The following ACAN variants were observed in gnomAD, a reference collection of about 807,000 sequenced individuals.
The protein encoded by ACAN is aggrecan core protein.
Under a neutral mutation model 169.1 loss-of-function variants are expected in ACAN, and 47 were observed. The observed-to-expected ratio is 0.28, with a 90% CI of 0.22 to 0.35. ACAN has a LOEUF of 0.35. Ranked by LOEUF, ACAN falls within the 10% of genes least tolerant of loss-of-function variation. The pLI is 1.00. For synonymous variants in ACAN, 1,115 were observed against 1,112.2 expected (o/e 1.00, Z -0.05); for missense variants, 2,716 against 2,759.9 (o/e 0.98, Z 0.36).
Position 88,847,469 on chromosome 15 carries a change from A to G in ACAN, c.1604+52A>G. The G allele has an allele frequency of 3.4e-6, 5 of 1,481,732 alleles. No homozygotes were observed. The Admixed American group carries it at 1.1e-4, about 33-fold the overall frequency. 91.8% of individuals were successfully genotyped at this position (1,481,732 alleles called of 1,614,324 possible). On this transcript the variant is annotated intron_variant, in intron 8 of 18. Transcript: ENST00000560601. ...AAACCCAATTGAAGAGGTCAGGCTTAAGGAGCCACAGCCTGACACCGCCCC... is the reference window on the plus strand; with the variant it reads ...AAACCCAATTGAAGAGGTCAGGCTTGAGGAGCCACAGCCTGACACCGCCCC...
rs766827687 is a variant in ACAN at position 88,854,987 on chromosome 15, C to G, written c.2402C>G (p.Pro801Arg). The G allele has an allele frequency of 1.9e-6, 3 of 1,597,974 alleles. No homozygotes were observed. Among genetic ancestry groups the G allele is most frequent in the Non-Finnish European group, 2.6e-6 (3 of 1,172,950 alleles). The change falls in exon 12 of 19, where the codon CCC becomes CGC. Residue 801 changes from proline (P) to arginine (R), a missense_variant. Coordinates refer to ENST00000560601, the MANE Select transcript of ACAN (RefSeq NM_001369268.1). ...EVPFPSEEPSPSEEPFPSVRP... is the reference protein window; with the variant it reads ...EVPFPSEEPSRSEEPFPSVRP... ...CCATTCCCCTCAGAGGAGCCATCCC[C>G]CTCAGAGGAACCATTCCCCTCAGTG...
intron 1 of ACAN, among the ~76,000 whole-genome samples, chr15:88,834,759 TG>T (rs1286175858): frequency 6.6e-6 from 1 of 152,178 alleles, no homozygotes; most frequent in Non-Finnish European, 1.5e-5. Flanking sequence ...GTGTCTGTAA[TG>T]GGACTGCACG....
rs145274175 is a variant in ACAN, at chr15:88,855,532, G to C, written c.2947G>C (p.Glu983Gln). ...LSGLPSGEVL[E>Q]TTAPGVEDIS... ...TGGGCTTCCTTCTGGAGAAGTTCTA[G>C]AGACCACTGCCCCTGGAGTAGAGGA... The change falls in exon 12 of 19, where the codon GAG becomes CAG. Residue 983 changes from glutamate (E) to glutamine (Q), a missense_variant. Glu to Gln is a conservative substitution (Grantham distance 29, BLOSUM62 2). This residue lies in a region of ACAN where 44 missense variants were observed against 114.7 expected (regional missense o/e 0.38). Transcript: ENST00000560601. 9.9e-5 allele frequency: 159 copies of C among 1,612,926 alleles called. No individual in the cohort carries two copies. In the East Asian group the frequency reaches 2.2e-3, roughly 22 times the overall value.
intron 1 of ACAN, among the ~76,000 whole-genome samples, chr15:88,835,406 T>G (rs550076680): frequency 6.7e-6 from 1 of 150,154 alleles, no homozygotes; most frequent in East Asian, 2.0e-4. Context: ...GACACACACA[T>G]ACACACACAC....
At chr15:88,825,093 C>T (rs1896179692) in intron 1 of ACAN, among the ~76,000 whole-genome samples, 1 of 152,160 alleles carries the variant, frequency 6.6e-6, no homozygotes, top group Non-Finnish European at 1.5e-5. Context: ...GGTCAAGGCA[C>T]AGCTAGAATG....
At chr15:88,818,069 G>A (rs530902421) in intron 1 of ACAN, among the ~76,000 whole-genome samples, 1 of 152,100 alleles carries the variant, frequency 6.6e-6, no homozygotes, top group Non-Finnish European at 1.5e-5. Flanking sequence ...GCATGAACAT[G>A]TTTCCAAGTA....
Position 88,858,336 on chromosome 15 carries a change from G to A in ACAN, c.5751G>A (p.Leu1917=), listed in dbSNP as rs1339672289. ...CCAGAGCTGAGATTGGGAGCAGCCTGCCCTCGGGAGCATATTATGGCAGTG... is the reference window on the plus strand; with the variant it reads ...CCAGAGCTGAGATTGGGAGCAGCCTACCCTCGGGAGCATATTATGGCAGTG... ...ESSRAEIGSS[L]PSGAYYGSGT... The change falls in exon 12 of 19, where the codon CTG becomes CTA. Residue 1917 remains leucine (L), a synonymous_variant. Coordinates refer to ENST00000560601, the MANE Select transcript of ACAN (RefSeq NM_001369268.1). This position sits in a 1 kb window ranked among gnomAD's most constrained non-coding sequence, Gnocchi z 4.0. 6.2e-7 allele frequency: 1 copy of A among 1,613,976 alleles called. No individual in the cohort carries two copies. The highest frequency in any genetic ancestry group is 8.5e-7 in the Non-Finnish European group (1 of 1,179,894).
At chr15:88,825,116 G>C (rs1331889648) in intron 1 of ACAN, among the ~76,000 whole-genome samples, 1 of 152,192 alleles carries the variant, frequency 6.6e-6, no homozygotes, top group Non-Finnish European at 1.5e-5. Flanking sequence ...GCGGGGTTGA[G>C]GGTTTGGGGA....
intron 4 of ACAN, among the ~76,000 whole-genome samples, chr15:88,840,555 G>A (rs1283073836): frequency 6.6e-6 from 1 of 152,038 alleles, no homozygotes; most frequent in East Asian, 1.9e-4. Flanking sequence ...GTTATAAATT[G>A]AACCCCTTGG....
intron 1 of ACAN, among the ~76,000 whole-genome samples, chr15:88,826,466 C>G (rs1356887873): frequency 6.8e-5 from 4 of 58,984 alleles, no homozygotes; most frequent in African/African-American, 5.6e-4. Context: ...GCCAGCTTTG[C>G]AGGGGACCCC....
In ACAN at chr15:88,872,187, C is replaced by A. The variant is rs1897397205; in HGVS notation, c.7302+102C>A. ...CAAACCCCATGCAGACAGCCGCTTA[C>A]CAGCTGCTGGACCGGGAACCCTTGA... On this transcript the variant is annotated intron_variant, in intron 16 of 18. Coordinates refer to ENST00000560601, the MANE Select transcript of ACAN (RefSeq NM_001369268.1). This position sits in a 1 kb window ranked among gnomAD's most constrained non-coding sequence, Gnocchi z 5.4. 4 of 1,017,978 alleles carry A rather than the reference C, an allele frequency of 3.9e-6. No homozygotes were observed. Among genetic ancestry groups the A allele is most frequent in the Non-Finnish European group, 6.1e-6 (4 of 658,412 alleles). 63.1% of individuals were successfully genotyped at this position (1,017,978 alleles called of 1,614,324 possible).
rs185816071 is a variant in ACAN at position 88,831,391 on chromosome 15, C to G, written c.-7-4809C>G. On this transcript the variant is annotated intron_variant, in intron 1 of 18. Transcript: ENST00000560601. ...GACTTACTGAATGTGAAGGGGTCTA[C>G]CTCATTTGGCTGGGCACCACCTAGG... Among the ~76,000 whole-genome samples the G allele has an allele frequency of 7.2e-5, 11 of 152,354 alleles. No individual in the cohort carries two copies. The East Asian group carries it at 1.9e-3, about 27-fold the overall frequency.
At chr15:88,823,247 C>T (rs1481638868) in intron 1 of ACAN, among the ~76,000 whole-genome samples, 1 of 152,174 alleles carries the variant, frequency 6.6e-6, no homozygotes, top group Non-Finnish European at 1.5e-5. Flanking sequence ...GTACTTGCGC[C>T]TGCTGGAAAC....
At chr15:88,812,911 C>A (rs1895855981) in intron 1 of ACAN, among the ~76,000 whole-genome samples, 1 of 152,144 alleles carries the variant, frequency 6.6e-6, no homozygotes, top group Non-Finnish European at 1.5e-5. Context: ...CCTTTTCTCC[C>A]TTGGTTCTCC....
rs1298372182 is a variant in ACAN at position 88,870,417 on chromosome 15, G to A, written c.7061-965G>A. On this transcript the variant is annotated intron_variant, in intron 14 of 18. Transcript: ENST00000560601. The surrounding 1 kb of genome is among the most constrained non-coding windows in gnomAD (Gnocchi z 6.3). ...CACTCTGTCCCACACTGTGCTGGCA[G>A]ATGTTTAACAACCAGCTCTCATAGA... is the stretch of plus-strand genomic sequence containing the variant. Among the ~76,000 whole-genome samples, 4 of 152,220 alleles carry A rather than the reference G, an allele frequency of 2.6e-5. No homozygotes were observed.
Position 88,871,554 on chromosome 15 carries a change from G to T in ACAN, c.7219+14G>T. 1 of 1,604,576 alleles carries T rather than the reference G, an allele frequency of 6.2e-7. No homozygotes were observed. The highest frequency in any genetic ancestry group is 8.5e-7 in the Non-Finnish European group (1 of 1,175,676). On this transcript the variant is annotated intron_variant, in intron 15 of 18. Transcript: ENST00000560601. The surrounding 1 kb of genome is among the most constrained non-coding windows in gnomAD (Gnocchi z 7.8). ...AGTTTGTCAACAGTGAGTGCGGCGG[G>T]GCCTCTGGAGCCTGAGAGGAGAGTG... is the stretch of plus-strand genomic sequence containing the variant.
At chr15:88,820,375 A>T (rs1435649814) in intron 1 of ACAN, among the ~76,000 whole-genome samples, 2 of 152,106 alleles carry the variant, frequency 1.3e-5, no homozygotes, top group African/African-American at 4.8e-5. Context: ...GATCGTGAGG[A>T]CTGTAGTTTC....
chr15:88,858,815 G>A lies in ACAN; in HGVS notation c.6230G>A (p.Gly2077Glu). 6.2e-7 allele frequency: 1 copy of A among 1,613,798 alleles called. No individual in the cohort carries two copies. Among genetic ancestry groups the A allele is most frequent in the Non-Finnish European group, 8.5e-7 (1 of 1,179,838 alleles). ...TCCAGTGGAAAAGTCTCCACAGCTG[G>A]GGACATTAGTGGAGCTACCCCAGTG... Reference protein sequence around the residue: ...FESSGKVSTAGDISGATPVLP... With the variant: ...FESSGKVSTAEDISGATPVLP... Residue 2077 changes from glycine (G) to glutamate (E), a missense_variant, in exon 12 of 19, where the codon GGG (glycine) becomes GAG (glutamate). Physicochemically the swap from Gly to Glu is moderately conservative, Grantham distance 98 (BLOSUM62 -2). This residue lies in a region of ACAN where 1,389 missense variants were observed against 1,363.7 expected (regional missense o/e 1.02). Coordinates refer to ENST00000560601, the MANE Select transcript of ACAN (RefSeq NM_001369268.1). This position sits in a 1 kb window ranked among gnomAD's most constrained non-coding sequence, Gnocchi z 4.0.
intron 2 of ACAN, among the ~76,000 whole-genome samples, chr15:88,837,973 A>G (rs1896548250): frequency 7.0e-6 from 1 of 142,474 alleles, no homozygotes. Context: ...AAGATTTGGT[A>G]AGCTTGTTGC....
Sources: allele counts gnomAD v4.1 joint callset (sites outside exome capture counted in the v4.1 genomes callset), GRCh38; gene constraint gnomAD v4.1.1; regional missense constraint gnomAD v4.1.1; non-coding constraint Gnocchi (gnomAD v3.1); transcripts MANE v1.5; gene names NCBI Gene and HGNC (gene_info 2026-07-23, HGNC 2026-07-21).